PSMG2: variants seen among roughly 807,000 people sequenced by gnomAD.
PSMG2 encodes proteasome assembly chaperone 2.
Under a neutral mutation model 31.5 loss-of-function variants are expected in PSMG2, and 21 were observed. That is an observed-to-expected ratio of 0.67 (90% confidence interval 0.47 to 0.96). The LOEUF (loss-of-function observed/expected upper bound fraction) is 0.96, where lower values mean the gene tolerates loss of function less well. Among genes scored for constraint, PSMG2 ranks in the 40% least tolerant of loss-of-function variants. PSMG2 has a pLI of 0.00. For missense variants in PSMG2, 318 were observed against 321.2 expected (o/e 0.99, Z 0.08); for synonymous variants, 120 against 110.4 (o/e 1.09, Z -0.54).
chr18:12,723,466 C>G (rs1018942706), intron 5 of PSMG2, among the ~76,000 whole-genome samples: 1 of 151,928 alleles, frequency 6.6e-6, no homozygotes, highest in African/African-American at 2.4e-5. Context: ...ATCTTTTTTT[C>G]TTCATTTGCG....
chr18:12,718,892 G>A (rs769083776), intron 4 of PSMG2, among the ~76,000 whole-genome samples: 7 of 152,128 alleles, frequency 4.6e-5, no homozygotes, highest in Admixed American at 1.3e-4. Flanking sequence ...CATGTTTTTA[G>A]TGTTTCCCGT....
intron 3 of PSMG2, among the ~76,000 whole-genome samples, chr18:12,717,846 A>G (rs984774427): frequency 3.9e-5 from 6 of 152,176 alleles, no homozygotes; most frequent in Admixed American, 2.0e-4. Context: ...GATTCGGGTC[A>G]CAAATTTCTG....
At chr18:12,708,019 C>T (rs1003651088) in intron 2 of PSMG2, among the ~76,000 whole-genome samples, 3 of 152,108 alleles carry the variant, frequency 2.0e-5, no homozygotes, top group Non-Finnish European at 4.4e-5. Context: ...CGTTGGTGCA[C>T]ATCTGTAATC....
At chr18:12,666,318 G>T (rs1024321895) in intron 1 of PSMG2, among the ~76,000 whole-genome samples, 7 of 151,950 alleles carry the variant, frequency 4.6e-5, no homozygotes, top group African/African-American at 1.7e-4. Flanking sequence ...GACAGAGTGA[G>T]ACCCCCAGCT....
At chr18:12,702,265 G>T (rs1378482898), upstream of PSMG2, among the ~76,000 whole-genome samples, 2 of 152,134 alleles carry the variant, frequency 1.3e-5, no homozygotes, top group African/African-American at 4.8e-5. Flanking sequence ...TCGTTCTATC[G>T]CCCCAGACTC....
At chr18:12,661,293 A>C in intron 1 of PSMG2, 1 of 802,186 alleles carries the variant, frequency 1.2e-6, no homozygotes. Flanking sequence ...GGGTGACAAG[A>C]GTGAGCCTTC....
chr18:12,665,331 G>A (rs1326821189), intron 1 of PSMG2, among the ~76,000 whole-genome samples: 1 of 152,178 alleles, frequency 6.6e-6, no homozygotes, highest in African/African-American at 2.4e-5. Flanking sequence ...GGAGGCTGAG[G>A]TGGGAGGATT....
intron 1 of PSMG2, chr18:12,678,381 A>G: frequency 1.2e-6 from 2 of 1,614,168 alleles, no homozygotes; most frequent in Non-Finnish European, 1.7e-6. Flanking sequence ...CGATATGGGT[A>G]CAGTGGTTTG....
intron 1 of PSMG2, chr18:12,673,549 C>A: frequency 7.1e-7 from 1 of 1,405,078 alleles, no homozygotes; most frequent in Admixed American, 2.5e-5. Context: ...TGACCATACA[C>A]TTTAATTCCT....
chr18:12,701,662 GCACT>G (rs527814653), upstream of PSMG2, among the ~76,000 whole-genome samples: 173 of 152,272 alleles, frequency 1.1e-3, 1 homozygote, highest in East Asian at 7.0e-3. Context: ...TCAGCATCTT[GCACT>G]CAGTCGAGCG....
rs760762445 is a variant in PSMG2 at position 12,718,552 on chromosome 18, C to G, written c.324C>G (p.Ser108=). 25 of 1,611,468 alleles carry G rather than the reference C, an allele frequency of 1.6e-5. No individual in the cohort carries two copies. The Admixed American group carries it at 4.0e-4, about 26-fold the overall frequency. The change falls in exon 4 of 7, where the codon TCC becomes TCG. Residue 108 remains serine (S), a synonymous_variant. Coordinates refer to ENST00000317615, the MANE Select transcript of PSMG2 (RefSeq NM_020232.5). The stretch of plus-strand genomic sequence containing the variant: ...AGCCATTCTGTGAAAAACTGCTTTC[C>G]TGGGTGAAAAGCAGTGGCTGTGCCA... The part of the protein sequence containing the change: ...KSKPFCEKLL[S]WVKSSGCARV...
At chr18:12,664,804 T>A (rs113065838) in intron 1 of PSMG2, among the ~76,000 whole-genome samples, 1,696 of 151,762 alleles carry the variant, frequency 0.011, 38 homozygotes, top group African/African-American at 0.039. Flanking sequence ...GTTCAAGTGA[T>A]TCTCCTGCCT....
intron 5 of PSMG2, among the ~76,000 whole-genome samples, chr18:12,721,344 A>G (rs891322727): frequency 6.6e-6 from 1 of 152,144 alleles, no homozygotes; most frequent in Non-Finnish European, 1.5e-5. Context: ...ATTCTTTGCA[A>G]CCTCTACACG....
At chr18:12,678,141 G>GC (rs747488126) in intron 1 of PSMG2, 1 of 1,613,416 alleles carries the variant, frequency 6.2e-7, no homozygotes, top group South Asian at 1.1e-5. Context: ...AGCCTCAGCT[G>GC]CATTTCAATT....
At chr18:12,662,195 A>AC in intron 1 of PSMG2, 2 of 445,094 alleles carry the variant, frequency 4.5e-6, no homozygotes, top group South Asian at 3.3e-5. Flanking sequence ...AGAAAGGAAA[A>AC]AAAAAAAACA....
intron 1 of PSMG2, chr18:12,692,197 T>C (rs1217381061): frequency 6.6e-6 from 1 of 151,652 alleles, no homozygotes; most frequent in Non-Finnish European, 1.5e-5. Flanking sequence ...ATGCCTGTAA[T>C]CCCAGCTACT....
rs552070687 is a variant in PSMG2, at chr18:12,684,180, A to T, written c.-36-22370A>T. The T allele has an allele frequency of 3.9e-3, 589 of 152,188 alleles. 4 individuals carry two copies. The highest frequency in any genetic ancestry group is 7.0e-3 in the Non-Finnish European group (474 of 68,038). 9.4% of individuals were successfully genotyped at this position (152,188 alleles called of 1,614,324 possible). ...GAGATGGGGTTTCACCGTATCAGCA[A>T]GGATGATCTCGATCTCCTGACCGTG... On this transcript the variant is annotated intron_variant, in intron 1 of 6. Transcript: ENST00000585331.
At chr18:12,700,781 T>C (rs2040124160), upstream of PSMG2, among the ~76,000 whole-genome samples, 1 of 152,140 alleles carries the variant, frequency 6.6e-6, no homozygotes, top group South Asian at 2.1e-4. Context: ...TACACAAAAC[T>C]ATTCAGTATA....
intron 1 of PSMG2, among the ~76,000 whole-genome samples, chr18:12,668,606 A>AAAAAAAAAAC (rs2038856857): frequency 1.9e-5 from 1 of 54,038 alleles, no homozygotes; most frequent in Non-Finnish European, 4.9e-5. Context: ...TCAAAAAAAA[A>AAAAAAAAAAC]AAAAAAAAAA....
Sources: gnomAD v4.1 joint callset for allele counts (sites outside exome capture counted in the v4.1 genomes callset) on GRCh38, gnomAD v4.1.1 for gene constraint, MANE v1.5 for transcripts, NCBI Gene and HGNC (gene_info 2026-07-23, HGNC 2026-07-21) for gene names.